Variants in DCUN1D4 observed in about 807,000 individuals in gnomAD.
DCUN1D4 encodes the protein defective in cullin neddylation 1 domain containing 4.
In DCUN1D4, 22 loss-of-function variants were observed where a neutral mutation model predicts 47.9. The ratio of observed to expected loss-of-function variants is 0.46; its 90% CI spans 0.33 to 0.66. The LOEUF (loss-of-function observed/expected upper bound fraction) is 0.66. Ranked by LOEUF, DCUN1D4 falls within the 30% of genes least tolerant of loss-of-function variation. The pLI is 0.02. For missense variants in DCUN1D4, 301 were observed against 340.8 expected (o/e 0.88, Z 0.92); for synonymous variants, 121 against 112.2 (o/e 1.08, Z -0.50).
chr4:51,888,042 T>C lies in DCUN1D4; in HGVS notation c.414+1404T>C, dbSNP rs568864123. Among the ~76,000 whole-genome samples the C allele has an allele frequency of 3.3e-5, 5 of 152,172 alleles. No homozygotes were observed. The East Asian group carries it at 9.7e-4, about 29-fold the overall frequency. On this transcript the variant is annotated intron_variant, in intron 6 of 10. Transcript: ENST00000334635. Reference sequence around the variant, plus strand: ...GTAGACACAAGAAAAGACCATTACATTGAATTTAAGAAGGAAGTTTTCTAT... The same window carrying C: ...GTAGACACAAGAAAAGACCATTACACTGAATTTAAGAAGGAAGTTTTCTAT...
chr4:51,880,426 CG>C (rs539198037), intron 5 of DCUN1D4, among the ~76,000 whole-genome samples: 5 of 152,050 alleles, frequency 3.3e-5, no homozygotes, highest in Non-Finnish European at 7.4e-5. Flanking sequence ...GGAGGGGCAG[CG>C]GGGGCCTGGT....
In DCUN1D4 at chr4:51,916,555, T is replaced by G. The variant is rs1176168143; in HGVS notation, c.*2971T>G. Reference sequence around the variant, plus strand: ...AGATTTCATTGACCAACTAAAATGTTGGGTGTCTGTAAATGAGACCAAAAC... The same window carrying G: ...AGATTTCATTGACCAACTAAAATGTGGGGTGTCTGTAAATGAGACCAAAAC... On this transcript the variant is annotated 3_prime_UTR_variant, in exon 11 of 11. Coordinates refer to ENST00000334635, the MANE Select transcript of DCUN1D4 (RefSeq NM_001040402.3). The G allele has an allele frequency of 2.6e-5, 4 of 152,600 alleles. No homozygotes were observed. The highest frequency in any genetic ancestry group is 9.6e-5 in the African/African-American group (4 of 41,454). 9.5% of individuals were successfully genotyped at this position (152,600 alleles called of 1,614,324 possible). A position where few individuals can be genotyped will look rare whatever the true frequency, so the allele number is the denominator to read the frequency against.
At chr4:51,876,827 A>G (rs1244969050) in intron 4 of DCUN1D4, among the ~76,000 whole-genome samples, 1 of 152,198 alleles carries the variant, frequency 6.6e-6, no homozygotes, top group Admixed American at 6.5e-5. Flanking sequence ...GAATTACCGA[A>G]TATTATTTTC....
chr4:51,902,054 T>C (rs1239221595), intron 8 of DCUN1D4, among the ~76,000 whole-genome samples: 1 of 152,214 alleles, frequency 6.6e-6, no homozygotes, highest in Non-Finnish European at 1.5e-5. Context: ...TTTTGGCCCA[T>C]TGATTATTTA....
the DCUN1D4 span, among the ~76,000 whole-genome samples, chr4:51,835,744 G>A: frequency 6.6e-6 from 1 of 151,788 alleles, no homozygotes; most frequent in Non-Finnish European, 1.5e-5. Context: ...TGAGAGAGAT[G>A]GCAAAGGAAG....
intron 8 of DCUN1D4, among the ~76,000 whole-genome samples, chr4:51,904,082 T>G (rs920025374): frequency 3.3e-5 from 5 of 152,194 alleles, no homozygotes; most frequent in Non-Finnish European, 7.3e-5. Flanking sequence ...TTTAGGTATT[T>G]GGTTGCTGTG....
At chr4:51,877,253 T>A (rs186212800) in intron 4 of DCUN1D4, among the ~76,000 whole-genome samples, 1 of 152,254 alleles carries the variant, frequency 6.6e-6, no homozygotes, top group Non-Finnish European at 1.5e-5. Flanking sequence ...CATCAAAGTT[T>A]ATTTTTTTCC....
At chr4:51,851,055 T>C (rs573445524) in intron 1 of DCUN1D4, among the ~76,000 whole-genome samples, 1 of 152,318 alleles carries the variant, frequency 6.6e-6, no homozygotes, top group Non-Finnish European at 1.5e-5. Context: ...AATTACTGTG[T>C]GATGACAGTC....
chr4:51,865,544 G>A (rs1327380099), intron 3 of DCUN1D4: 1 of 152,688 alleles, frequency 6.5e-6, no homozygotes, highest in African/African-American at 2.4e-5. Context: ...ATGGCAGAAC[G>A]AGAAGGTGAG....
upstream of DCUN1D4, among the ~76,000 whole-genome samples, chr4:51,838,994 G>A (rs189013615): frequency 1.9e-4 from 29 of 152,232 alleles, no homozygotes; most frequent in Admixed American, 1.8e-3. Flanking sequence ...AGAATCACTT[G>A]AACCCAGGAG....
chr4:51,910,964 A>G, intron 8 of DCUN1D4, 106 bp from the exon 9 acceptor site: 7 of 1,122,916 alleles, frequency 6.2e-6, no homozygotes, highest in Non-Finnish European at 9.5e-6. Flanking sequence ...GTGTATGATA[A>G]ATGAGCTGTT....
Position 51,892,226 on chromosome 4 carries a change from C to T in DCUN1D4, c.506+375C>T, listed in dbSNP as rs1049279613. Among the ~76,000 whole-genome samples the T allele has an allele frequency of 1.2e-4, 19 of 152,274 alleles. 1 individual carries two copies. Among genetic ancestry groups the T allele is most frequent in the African/African-American group, 4.6e-4 (19 of 41,560 alleles). ...TTTAATCTATTTTATTAACCCCAAACAGTCCAACATATTTTCATTCCAACA... is the reference window on the plus strand; with the variant it reads ...TTTAATCTATTTTATTAACCCCAAATAGTCCAACATATTTTCATTCCAACA... On this transcript the variant is annotated intron_variant, in intron 7 of 10. Coordinates refer to ENST00000334635, the MANE Select transcript of DCUN1D4 (RefSeq NM_001040402.3).
intron 8 of DCUN1D4, among the ~76,000 whole-genome samples, chr4:51,902,219 C>T (rs185735545): frequency 1.3e-5 from 2 of 152,256 alleles, no homozygotes; most frequent in East Asian, 3.9e-4. Flanking sequence ...ATATTTTATG[C>T]GTACTTTAAA....
intron 5 of DCUN1D4, 81 bp from the exon 6 acceptor site, chr4:51,886,487 G>T: frequency 8.3e-7 from 1 of 1,210,966 alleles, no homozygotes; most frequent in Non-Finnish European, 1.1e-6. Flanking sequence ...AGTCTTACTT[G>T]TTGACAGTAT....
At chr4:51,845,267 A>AAT in intron 1 of DCUN1D4, 1 of 985,408 alleles carries the variant, frequency 1.0e-6, no homozygotes, top group Non-Finnish European at 1.2e-6. Context: ...TTGTAACGAT[A>AAT]ATATAAACTA....
chr4:51,859,177 G>T (rs574803774), intron 1 of DCUN1D4, among the ~76,000 whole-genome samples: 1 of 152,250 alleles, frequency 6.6e-6, no homozygotes, highest in South Asian at 2.1e-4. Context: ...AGGGAGAAGT[G>T]ATTGCTTTAC....
At chr4:51,835,115 T>G in the DCUN1D4 span, among the ~76,000 whole-genome samples, 1 of 152,138 alleles carries the variant, frequency 6.6e-6, no homozygotes, top group African/African-American at 2.4e-5. Context: ...TTGGAATCTG[T>G]GTTGGGGATG....
intron 5 of DCUN1D4, among the ~76,000 whole-genome samples, chr4:51,882,790 G>T (rs1728874634): frequency 1.3e-5 from 2 of 151,958 alleles, no homozygotes; most frequent in East Asian, 1.9e-4. Context: ...ATAAATAAAA[G>T]AATAAGTTGC....
At chr4:51,890,375 A>G (rs148057214) in intron 6 of DCUN1D4, among the ~76,000 whole-genome samples, 1 of 152,368 alleles carries the variant, frequency 6.6e-6, no homozygotes, top group Non-Finnish European at 1.5e-5. Context: ...AGTAGCTGAA[A>G]TGAAGCCTTA....
Sources: allele counts gnomAD v4.1 joint callset (sites outside exome capture counted in the v4.1 genomes callset), GRCh38; gene constraint gnomAD v4.1.1; transcripts MANE v1.5; gene names NCBI Gene and HGNC (gene_info 2026-07-23, HGNC 2026-07-21).